The following HAUS8 variants were observed in gnomAD, a reference collection of about 807,000 sequenced individuals.
HAUS8 encodes HAUS augmin-like complex subunit 8.
HAUS8 carries 38 observed loss-of-function variants against 42.9 expected under a neutral mutation model. The ratio of observed to expected loss-of-function variants is 0.89; its 90% CI spans 0.68 to 1.16. The LOEUF (loss-of-function observed/expected upper bound fraction) is 1.16. Among genes scored for constraint, HAUS8 ranks in the 50% most tolerant of loss-of-function variants. HAUS8 has a pLI of 0.00. For missense variants in HAUS8, 494 were observed against 511.6 expected (o/e 0.97, Z 0.33); for synonymous variants, 199 against 205.8 (o/e 0.97, Z 0.28).
chr19:17,068,099 CTTTTTTTTT>C (rs889723027), intron 3 of HAUS8, among the ~76,000 whole-genome samples: 5 of 93,480 alleles, frequency 5.3e-5, no homozygotes, highest in African/African-American at 1.3e-4. Flanking sequence ...TTATTTTATT[CTTTTTTTTT>C]TTTTTTTTTT....
intron 1 of HAUS8, chr19:17,075,102 C>T: frequency 2.0e-6 from 1 of 504,836 alleles, no homozygotes; most frequent in South Asian, 2.6e-5. Flanking sequence ...GGTTGAGCTG[C>T]GTCATCGGCC....
In HAUS8 at chr19:17,069,023, G is replaced by A. The variant is rs745934506; in HGVS notation, c.147+8C>T. ...ACTGCTGCAAATGGAAGCTGGGTGC[G>A]GCCTTACCTTTTGGGTTGTCTTCTT... On this transcript the variant is annotated splice_region_variant and intron_variant, in intron 3 of 10. Transcript: ENST00000253669. The A allele has an allele frequency of 1.4e-5, 23 of 1,611,692 alleles. No homozygotes were observed. Among genetic ancestry groups the A allele is most frequent in the East Asian group, 4.5e-5 (2 of 44,876 alleles).
At position 17,055,795 on chromosome 19, in the gene HAUS8, A is replaced by G; in HGVS notation, c.787+66T>C. The stretch of plus-strand genomic sequence containing the variant: ...CTTGCGGTGATGACATCAGGCCCAC[A>G]GGAAGCACCCACACACGCTCCTCGC... On this transcript the variant is annotated intron_variant, in intron 9 of 10. Transcript: ENST00000253669. 2 of 1,513,440 alleles carry G rather than the reference A, an allele frequency of 1.3e-6. 1 individual carries two copies. The highest frequency in any genetic ancestry group is 2.5e-5 in the South Asian group (2 of 80,714). 93.8% of individuals were successfully genotyped at this position (1,513,440 alleles called of 1,614,324 possible). A position where few individuals can be genotyped will look rare whatever the true frequency, so the allele number is the denominator to read the frequency against.
intron 8 of HAUS8, among the ~76,000 whole-genome samples, chr19:17,056,754 TA>T (rs2057329358): frequency 6.6e-6 from 1 of 151,770 alleles, no homozygotes; most frequent in Non-Finnish European, 1.5e-5. Flanking sequence ...CATGCCCAGC[TA>T]ATTTTTTGTA....
At chr19:17,055,143 AATATATATATATATATATATAT>A (rs746719670) in intron 9 of HAUS8, 179 of 15,458 alleles carry the variant, frequency 0.012, 3 homozygotes, top group African/African-American at 0.023. Context: ...AAAAAAAAAA[AATATATATATATATATATATAT>A]ATATATATAT....
At chr19:17,070,648 C>T (rs1299770897) in intron 2 of HAUS8, among the ~76,000 whole-genome samples, 1 of 152,228 alleles carries the variant, frequency 6.6e-6, no homozygotes, top group Non-Finnish European at 1.5e-5. Flanking sequence ...AACCCCACAG[C>T]CTCCTTACGG....
At chr19:17,070,899 G>A (rs916070710) in intron 2 of HAUS8, among the ~76,000 whole-genome samples, 18 of 152,022 alleles carry the variant, frequency 1.2e-4, no homozygotes, top group African/African-American at 2.9e-4. Context: ...GAGAAACCCC[G>A]TCTCTACTAA....
chr19:17,069,808 C>T (rs1419975375), intron 2 of HAUS8, among the ~76,000 whole-genome samples: 1 of 152,080 alleles, frequency 6.6e-6, no homozygotes, highest in Non-Finnish European at 1.5e-5. Context: ...TTGGTCTCAG[C>T]AGGTGACCTG....
chr19:17,059,922 A>G (rs1422527047), intron 5 of HAUS8, 75 bp downstream of exon 5: 3 of 1,056,618 alleles, frequency 2.8e-6, no homozygotes, highest in Admixed American at 1.7e-5. Flanking sequence ...CTGTAGGCCA[A>G]TTGTACTTTG....
intron 9 of HAUS8, 25 bp downstream of exon 9, chr19:17,055,836 C>A: frequency 6.2e-7 from 1 of 1,605,944 alleles, no homozygotes; most frequent in South Asian, 1.1e-5. Flanking sequence ...CTGCTGCACA[C>A]GCACTGGGAC....
rs569824563 is a variant in HAUS8, at chr19:17,060,121, G to A, written c.230-29C>T. The A allele has an allele frequency of 6.0e-5, 88 of 1,470,750 alleles. No individual in the cohort carries two copies. The South Asian group carries it at 9.2e-4, about 15-fold the overall frequency. 91.1% of individuals were successfully genotyped at this position (1,470,750 alleles called of 1,614,324 possible). A position where few individuals can be genotyped will look rare whatever the true frequency, so the allele number is the denominator to read the frequency against. ...TTAAGAAAAGAATCCCCGAAAGTCA[G>A]CACAGTCAAGAGACACTCTCCATTC... On this transcript the variant is annotated intron_variant, in intron 4 of 10. Coordinates refer to ENST00000253669, the MANE Select transcript of HAUS8 (RefSeq NM_033417.2).
intron 1 of HAUS8, 79 bp downstream of exon 1, chr19:17,075,315 C>T: frequency 8.5e-6 from 13 of 1,521,024 alleles, no homozygotes; most frequent in Non-Finnish European, 1.0e-5. Context: ...CCCGAGGGTC[C>T]TAACTCCCCA....
Position 17,059,640 on chromosome 19 carries a change from C to T in HAUS8, c.337G>A (p.Val113Ile), listed in dbSNP as rs757351454. Residue 113 changes from valine (V) to isoleucine (I), a missense_variant, in exon 6 of 11, where the codon GTC (valine) becomes ATC (isoleucine). Coordinates refer to ENST00000253669, the MANE Select transcript of HAUS8 (RefSeq NM_033417.2). ...TTTGCTAACTGTGGCGTCTTTTTGACGATGCTTTTGTCTAAGATAAAGCAC... is the reference window on the plus strand; with the variant it reads ...TTTGCTAACTGTGGCGTCTTTTTGATGATGCTTTTGTCTAAGATAAAGCAC... ...DLSAINDKSI[V>I]KKTPQLAKTI... The T allele has an allele frequency of 2.7e-5, 43 of 1,612,772 alleles. No individual in the cohort carries two copies. Among genetic ancestry groups the T allele is most frequent in the Middle Eastern group, 1.6e-4 (1 of 6,082 alleles).
In HAUS8 at chr19:17,060,283, T is replaced by G. The variant is rs1193488635; in HGVS notation, c.230-191A>C. 5 of 548,118 alleles carry G rather than the reference T, an allele frequency of 9.1e-6. No homozygotes were observed. The East Asian group carries it at 1.2e-4, about 13-fold the overall frequency. The allele number at this position is 548,118 out of a possible 1,614,324, so 34.0% of individuals were successfully genotyped here. A position where few individuals can be genotyped will look rare whatever the true frequency, so the allele number is the denominator to read the frequency against. On this transcript the variant is annotated intron_variant, in intron 4 of 10. Coordinates refer to ENST00000253669, the MANE Select transcript of HAUS8 (RefSeq NM_033417.2). Reference sequence around the variant, plus strand: ...TTCCCAGCCATCACCTTGACTCTATTTTTAAAGTACCACTAGAAGACAGAG... The same window carrying G: ...TTCCCAGCCATCACCTTGACTCTATGTTTAAAGTACCACTAGAAGACAGAG...
At position 17,058,521 on chromosome 19, in the gene HAUS8, T is replaced by C. The variant is rs747338934; in HGVS notation, c.645+28A>G. 77 of 1,557,034 alleles carry C rather than the reference T, an allele frequency of 4.9e-5. No individual in the cohort carries two copies. The highest frequency in any genetic ancestry group is 1.0e-5 in the Non-Finnish European group (12 of 1,153,808). On this transcript the variant is annotated intron_variant, in intron 8 of 10. Coordinates refer to ENST00000253669, the MANE Select transcript of HAUS8 (RefSeq NM_033417.2). ...GGACAGATTCACAGGGAACACTCACTGGTCACAGAGTGTCACTTACAACTG... is the reference window on the plus strand; with the variant it reads ...GGACAGATTCACAGGGAACACTCACCGGTCACAGAGTGTCACTTACAACTG...
chr19:17,073,623 T>C (rs1485319826), intron 1 of HAUS8: 1 of 443,218 alleles, frequency 2.3e-6, no homozygotes, highest in Admixed American at 3.5e-5. Context: ...CTGGGTTCAT[T>C]CATTCACCAG....
At chr19:17,065,501 T>G (rs2057382245) in intron 3 of HAUS8, among the ~76,000 whole-genome samples, 1 of 152,148 alleles carries the variant, frequency 6.6e-6, no homozygotes, top group Non-Finnish European at 1.5e-5. Context: ...GGGCTGTCCA[T>G]GCTTCAATCG....
chr19:17,075,529 G>A, upstream of HAUS8: 2 of 1,227,112 alleles, frequency 1.6e-6, no homozygotes, highest in Non-Finnish European at 2.3e-6. Context: ...GGGTGGCTGC[G>A]AGGCGTGAGG....
chr19:17,060,079 C>T lies in HAUS8; in HGVS notation c.243G>A (p.Gly81=), dbSNP rs756294019. 1 of 1,610,548 alleles carries T rather than the reference C, an allele frequency of 6.2e-7. No homozygotes were observed. Among genetic ancestry groups the T allele is most frequent in the African/African-American group, 1.3e-5 (1 of 74,764 alleles). Residue 81 remains glycine, a synonymous_variant, in exon 5 of 11, where the codon GGG becomes GGA. Coordinates refer to ENST00000253669, the MANE Select transcript of HAUS8 (RefSeq NM_033417.2). ...TGGACTGCAGGTCACCCTTTCCGAC[C>T]CCACTGCTATCTGCTGTTAAGAAAA... ...LLQKSKADSS[G]VGKGDLQSTL... is the part of the protein sequence containing the mutation.
Sources: allele counts gnomAD v4.1 joint callset (sites outside exome capture counted in the v4.1 genomes callset), GRCh38; gene constraint gnomAD v4.1.1; transcripts MANE v1.5; gene names NCBI Gene and HGNC (gene_info 2026-07-23, HGNC 2026-07-21).